Variants in LHFPL3 observed in about 807,000 individuals in gnomAD.
The protein encoded by LHFPL3 is LHFPL tetraspan subfamily member 3, also known as LHFPL tetraspan subfamily member 3 protein.
Under a neutral mutation model 19.3 loss-of-function variants are expected in LHFPL3, and 5 were observed. That is an observed-to-expected ratio of 0.26 (90% CI 0.14 to 0.54). LHFPL3 has a LOEUF of 0.54. Ranked by LOEUF, LHFPL3 falls within the 20% of genes least tolerant of loss-of-function variation. The pLI is 0.94. For missense variants in LHFPL3, 249 were observed against 307.4 expected, an observed-to-expected ratio of 0.81 and a Z score of 1.42; for synonymous variants, 133 against 126.2, an observed-to-expected ratio of 1.05 and a Z score of -0.36.
intron 1 of LHFPL3, among the ~76,000 whole-genome samples, chr7:104,644,320 A>G (rs562646300): frequency 7.9e-4 from 120 of 152,272 alleles, no homozygotes; most frequent in Admixed American, 2.4e-3. Flanking sequence ...GCAAACACTA[A>G]CCCAAATGTT....
intron 2 of LHFPL3, among the ~76,000 whole-genome samples, chr7:104,741,103 G>C (rs1793928423): frequency 6.6e-6 from 1 of 151,984 alleles, no homozygotes; most frequent in African/African-American, 2.4e-5. Context: ...ACAAGGGAGG[G>C]GTGTACACAG....
intron 1 of LHFPL3, among the ~76,000 whole-genome samples, chr7:104,340,595 A>G (rs1350420338): frequency 2.0e-5 from 3 of 152,208 alleles, no homozygotes; most frequent in African/African-American, 7.2e-5. Flanking sequence ...TTGAACTTAC[A>G]ATGTACTACC....
At chr7:104,423,841 A>G (rs904852438) in intron 1 of LHFPL3, among the ~76,000 whole-genome samples, 2 of 152,030 alleles carry the variant, frequency 1.3e-5, no homozygotes, top group Non-Finnish European at 2.9e-5. Context: ...CCCTGTCTCA[A>G]AGGCAAACAA....
chr7:104,407,523 G>A (rs917349078), intron 1 of LHFPL3, among the ~76,000 whole-genome samples: 2 of 152,172 alleles, frequency 1.3e-5, no homozygotes, highest in African/African-American at 2.4e-5. Context: ...AGGCATGGTG[G>A]TGCATGCATG....
chr7:104,557,505 T>A (rs1458802143), intron 1 of LHFPL3, among the ~76,000 whole-genome samples: 1 of 152,044 alleles, frequency 6.6e-6, no homozygotes, highest in Non-Finnish European at 1.5e-5. Flanking sequence ...CATAATTCAA[T>A]CATCTCACAC....
chr7:104,462,785 A>AT (rs1010968156), intron 1 of LHFPL3, among the ~76,000 whole-genome samples: 3 of 151,764 alleles, frequency 2.0e-5, no homozygotes, highest in Non-Finnish European at 4.4e-5. Flanking sequence ...CCTCCTCCTC[A>AT]TTTTTTTTGT....
Position 104,736,922 on chromosome 7 carries a change from T to C in LHFPL3, c.682+11T>C. The C allele has an allele frequency of 6.4e-7, 1 of 1,571,244 alleles. No homozygotes were observed. Among genetic ancestry groups the C allele is most frequent in the South Asian group, 1.2e-5 (1 of 85,950 alleles). On this transcript the variant is annotated intron_variant, in intron 2 of 2. Coordinates refer to ENST00000424859, the MANE Select transcript of LHFPL3 (RefSeq NM_199000.3). ...AGGCAGAAAACAAAGGTAAGATTGC[T>C]TTAAGGAACTCTTACCTGGATGCCT... is the stretch of plus-strand genomic sequence containing the variant.
At chr7:104,409,614 A>G (rs2116509981) in intron 1 of LHFPL3, among the ~76,000 whole-genome samples, 1 of 152,228 alleles carries the variant, frequency 6.6e-6, no homozygotes, top group South Asian at 2.1e-4. Context: ...AGGCCCTGCC[A>G]AAAAAGAATA....
chr7:104,853,634 TA>T (rs1247772336), intron 2 of LHFPL3, among the ~76,000 whole-genome samples: 1 of 152,226 alleles, frequency 6.6e-6, no homozygotes, highest in Non-Finnish European at 1.5e-5. Context: ...GAATGACATT[TA>T]AAAGTATATA....
At chr7:104,711,223 CAGAG>C (rs1447161971) in intron 1 of LHFPL3, among the ~76,000 whole-genome samples, 1 of 152,200 alleles carries the variant, frequency 6.6e-6, no homozygotes, top group Non-Finnish European at 1.5e-5. Flanking sequence ...AGAAACGAGA[CAGAG>C]AGTCTGTGGT....
In LHFPL3 at chr7:104,726,401, C is replaced by T. The variant is rs188601435; in HGVS notation, c.446-10274C>T. ...GTTTCTTACCTAAGTGAACCTGTAC[C>T]ATGGTGATTTGCTGCACCTATCAAG... On this transcript the variant is annotated intron_variant, in intron 1 of 2. Coordinates refer to ENST00000424859, the MANE Select transcript of LHFPL3 (RefSeq NM_199000.3). 2.2e-3 allele frequency among the ~76,000 whole-genome samples: 335 copies of T among 151,892 alleles called. 2 individuals carry two copies. Among genetic ancestry groups the T allele is most frequent in the African/African-American group, 7.7e-3 (317 of 41,374 alleles).
intron 1 of LHFPL3, among the ~76,000 whole-genome samples, chr7:104,464,125 C>T (rs1284553556): frequency 6.6e-6 from 1 of 152,180 alleles, no homozygotes; most frequent in African/African-American, 2.4e-5. Context: ...GGCTACATGC[C>T]CCATGCAAGT....
chr7:104,362,197 G>C (rs1390458282), intron 1 of LHFPL3, among the ~76,000 whole-genome samples: 1 of 152,176 alleles, frequency 6.6e-6, no homozygotes, highest in East Asian at 1.9e-4. Context: ...AGATCAGTAA[G>C]CATAGACAAC....
intron 2 of LHFPL3, among the ~76,000 whole-genome samples, chr7:104,892,965 C>G (rs745385894): frequency 6.6e-6 from 1 of 151,776 alleles, no homozygotes; most frequent in Non-Finnish European, 1.5e-5. Context: ...GCTTGTAATC[C>G]CACGCTGAAG....
chr7:104,491,942 T>C (rs35403020), intron 1 of LHFPL3, among the ~76,000 whole-genome samples: 61,369 of 151,996 alleles, frequency 0.4, 13,127 homozygotes, highest in Middle Eastern at 0.53. Flanking sequence ...TCCAAACACA[T>C]TTTTAAAACA....
intron 2 of LHFPL3, among the ~76,000 whole-genome samples, chr7:104,858,359 A>T (rs1463026849): frequency 6.6e-6 from 1 of 152,140 alleles, no homozygotes; most frequent in East Asian, 1.9e-4. Flanking sequence ...AAAACTCTCC[A>T]TCCAGGACCA....
chr7:104,707,041 T>A (rs572624224), intron 1 of LHFPL3, among the ~76,000 whole-genome samples: 1 of 152,306 alleles, frequency 6.6e-6, no homozygotes, highest in South Asian at 2.1e-4. Flanking sequence ...TCATTCTAAA[T>A]TTGACACCAA....
chr7:104,572,849 G>A (rs1790254058), intron 1 of LHFPL3, among the ~76,000 whole-genome samples: 1 of 152,110 alleles, frequency 6.6e-6, no homozygotes, highest in South Asian at 2.1e-4. Flanking sequence ...TGCTAAAAGA[G>A]AAAAAGAGTC....
chr7:104,882,939 G>A (rs908137870), intron 2 of LHFPL3, among the ~76,000 whole-genome samples: 3 of 152,132 alleles, frequency 2.0e-5, no homozygotes, highest in South Asian at 2.1e-4. Context: ...AGGCATTCCC[G>A]CATGTAGAAC....
Sources: allele counts gnomAD v4.1 joint callset (sites outside exome capture counted in the v4.1 genomes callset), GRCh38; gene constraint gnomAD v4.1.1; transcripts MANE v1.5; gene names NCBI Gene and HGNC (gene_info 2026-07-23, HGNC 2026-07-21).